PCDHA12: variants seen among roughly 807,000 people sequenced by gnomAD.
The protein encoded by PCDHA12 is protocadherin alpha-12.
In PCDHA12, 44 loss-of-function variants were observed where a neutral mutation model predicts 60.0. The ratio of observed to expected loss-of-function variants is 0.73; its 90% CI spans 0.58 to 0.94. The LOEUF (loss-of-function observed/expected upper bound fraction) is 0.94, where lower values mean the gene tolerates loss of function less well. PCDHA12 is among the 40% of genes least tolerant of loss of function. The pLI, the probability that PCDHA12 is intolerant of heterozygous loss-of-function variation, is 0.00. For synonymous variants in PCDHA12, 569 were observed against 553.0 expected, an observed-to-expected ratio of 1.03 and a Z score of -0.40; for missense variants, 1,276 against 1,239.7, an observed-to-expected ratio of 1.03 and a Z score of -0.44.
chr5:140,987,106 C>T (rs113308102), intron 3 of PCDHA12, among the ~76,000 whole-genome samples: 4,830 of 151,440 alleles, frequency 0.032, 263 homozygotes, highest in African/African-American at 0.11. Context: ...CCCAGCTACT[C>T]GGGAGGCTGA....
intron 3 of PCDHA12, 34 bp from the exon 4 acceptor site, chr5:141,009,593 C>G: frequency 6.2e-7 from 1 of 1,602,020 alleles, no homozygotes; most frequent in South Asian, 1.1e-5. Flanking sequence ...CATGTGTTGA[C>G]CCTGTTAATG....
At chr5:140,983,734 G>A (rs1194473513) in intron 3 of PCDHA12, among the ~76,000 whole-genome samples, 15 of 152,170 alleles carry the variant, frequency 9.9e-5, no homozygotes, top group African/African-American at 3.4e-4. Context: ...TAACATGGCT[G>A]GCTTGCAATA....
chr5:140,933,677 T>C (rs1024721491), intron 1 of PCDHA12, among the ~76,000 whole-genome samples: 1 of 151,826 alleles, frequency 6.6e-6, no homozygotes, highest in Non-Finnish European at 1.5e-5. Flanking sequence ...CTCTCTCACA[T>C]TTTTTTTCCT....
intron 3 of PCDHA12, among the ~76,000 whole-genome samples, chr5:141,008,201 A>T (rs2098364434): frequency 6.6e-6 from 1 of 152,212 alleles, no homozygotes; most frequent in Admixed American, 6.5e-5. Context: ...TAATATAATG[A>T]ACTTGACATG....
At chr5:140,969,766 C>A (rs1384743731) in intron 1 of PCDHA12, among the ~76,000 whole-genome samples, 2 of 152,130 alleles carry the variant, frequency 1.3e-5, no homozygotes, top group Non-Finnish European at 1.5e-5. Context: ...AGCTCTGAGG[C>A]CTCTAGGGGC....
rs557901977 is a variant in PCDHA12 at position 140,876,312 on chromosome 5, G to A, written c.840G>A (p.Gly280=). 4.3e-6 allele frequency: 7 copies of A among 1,614,036 alleles called. No individual in the cohort carries two copies. In the East Asian group the frequency reaches 1.6e-4, roughly 36 times the overall value. The change falls in exon 1 of 4, where the codon GGG becomes GGA. Residue 280 remains glycine, a synonymous_variant. Coordinates refer to ENST00000398631, the MANE Select transcript of PCDHA12 (RefSeq NM_018903.4). ...GACTTAATGGAGAAATTTCCTATGG[G>A]ATCAAAATGATTTTGCCAGTGAGTG... ...DEGLNGEISY[G]IKMILPVSEK...
rs781967971 is a variant in PCDHA12 at position 140,875,741 on chromosome 5, T to C, written c.269T>C (p.Ile90Thr). 10 of 1,614,098 alleles carry C rather than the reference T, an allele frequency of 6.2e-6. No homozygotes were observed. The highest frequency in any genetic ancestry group is 8.5e-6 in the Non-Finnish European group (10 of 1,180,040). Residue 90 changes from isoleucine to threonine, a missense_variant, in exon 1 of 4, where the codon ATC (isoleucine) becomes ACC (threonine). By Grantham distance (89) the Ile-to-Thr change is moderately conservative. Coordinates refer to ENST00000398631, the MANE Select transcript of PCDHA12 (RefSeq NM_018903.4). ...GGCATTTTGTTTGTGAATTCTCGGA[T>C]CGACCGCGAGAAGCTGTGCGGGCGG... ...QNGILFVNSRIDREKLCGRSA... is the reference protein window; with the variant it reads ...QNGILFVNSRTDREKLCGRSA...
rs782762108 is a variant in PCDHA12 at position 140,876,906 on chromosome 5, G to C, written c.1434G>C (p.Ser478=). 10 of 1,613,910 alleles carry C rather than the reference G, an allele frequency of 6.2e-6. No individual in the cohort carries two copies. The highest frequency in any genetic ancestry group is 3.3e-4 in the Middle Eastern group (2 of 6,040). Residue 478 remains serine (S), a synonymous_variant, in exon 1 of 4, where the codon TCG becomes TCC. Transcript: ENST00000398631. ...NPPGCHIFTV[S]AWDADAQKNA... The stretch of plus-strand genomic sequence containing the variant: ...CGGGCTGCCACATCTTCACGGTGTC[G>C]GCATGGGACGCGGACGCGCAGAAGA...
intron 1 of PCDHA12, among the ~76,000 whole-genome samples, chr5:140,952,087 C>T (rs2094684318): frequency 6.6e-6 from 1 of 152,162 alleles, no homozygotes. Context: ...CTCCATGTCT[C>T]ACATCCAGGG....
chr5:140,887,781 T>C (rs2061576427), intron 1 of PCDHA12, among the ~76,000 whole-genome samples: 2 of 152,338 alleles, frequency 1.3e-5, no homozygotes, highest in African/African-American at 4.8e-5. Flanking sequence ...ACACAGGTCA[T>C]TGAAGCGTTC....
chr5:140,883,835 T>C (rs782244088), intron 1 of PCDHA12: 10 of 1,612,448 alleles, frequency 6.2e-6, no homozygotes, highest in East Asian at 4.5e-5. Flanking sequence ...GCTGCAGCCG[T>C]TGGACCACGA....
At chr5:141,001,683 C>T (rs1042436989) in intron 3 of PCDHA12, among the ~76,000 whole-genome samples, 1 of 152,030 alleles carries the variant, frequency 6.6e-6, no homozygotes, top group Non-Finnish European at 1.5e-5. Flanking sequence ...TCCAACAAAC[C>T]CCACAGATGG....
intron 1 of PCDHA12, among the ~76,000 whole-genome samples, chr5:140,973,691 T>C (rs1420618979): frequency 6.6e-6 from 1 of 152,224 alleles, no homozygotes; most frequent in Non-Finnish European, 1.5e-5. Context: ...GGCCTACTGT[T>C]TCCTTCTGAC....
At chr5:140,882,201 C>T in intron 1 of PCDHA12, 1 of 1,528,460 alleles carries the variant, frequency 6.5e-7, no homozygotes, top group Non-Finnish European at 8.8e-7. Context: ...AAAATTGGGC[C>T]TTGAGAGACA....
intron 3 of PCDHA12, among the ~76,000 whole-genome samples, chr5:141,007,451 C>A (rs2098330384): frequency 6.6e-6 from 1 of 151,640 alleles, no homozygotes; most frequent in Non-Finnish European, 1.5e-5. Context: ...GCCTGTAGTC[C>A]CAGCTACTCA....
chr5:140,879,425 T>G (rs547741272), intron 1 of PCDHA12, among the ~76,000 whole-genome samples: 1 of 152,320 alleles, frequency 6.6e-6, no homozygotes, highest in East Asian at 1.9e-4. Flanking sequence ...GGAATGGAGA[T>G]GAACATTTAA....
intron 3 of PCDHA12, among the ~76,000 whole-genome samples, chr5:141,002,059 G>T (rs983772482): frequency 6.6e-6 from 1 of 152,242 alleles, no homozygotes; most frequent in East Asian, 1.9e-4. Flanking sequence ...AGAGGCAGCA[G>T]CAGCCGCCAG....
chr5:140,895,174 A>T (rs1554186407), intron 1 of PCDHA12, among the ~76,000 whole-genome samples: 2 of 152,150 alleles, frequency 1.3e-5, no homozygotes, highest in African/African-American at 4.8e-5. Context: ...ATCTATTTGT[A>T]GTCCCTTCTG....
intron 1 of PCDHA12, chr5:140,968,828 C>T (rs1404451202): frequency 6.2e-7 from 1 of 1,614,198 alleles, no homozygotes; most frequent in South Asian, 1.1e-5. Context: ...TTCCAAAATC[C>T]TCCCTGACAC....
Sources: allele counts gnomAD v4.1 joint callset (sites outside exome capture counted in the v4.1 genomes callset), GRCh38; gene constraint gnomAD v4.1.1; transcripts MANE v1.5; gene names NCBI Gene and HGNC (gene_info 2026-07-23, HGNC 2026-07-21).